Variants in PTPRD observed in about 807,000 individuals in gnomAD.
The protein encoded by PTPRD is receptor-type tyrosine-protein phosphatase delta.
A neutral mutation model predicts 214.5 loss-of-function variants in PTPRD; 34 were observed. That is an observed-to-expected ratio of 0.16 (90% CI 0.12 to 0.21). The LOEUF (loss-of-function observed/expected upper bound fraction) is 0.21, where lower values mean the gene tolerates loss of function less well. Among genes scored for constraint, PTPRD ranks in the 10% least tolerant of loss-of-function variants. PTPRD has a pLI of 1.00. For synonymous variants in PTPRD, 1,128 were observed against 845.7 expected (o/e 1.33, Z -5.79); for missense variants, 2,545 against 2,398.7 (o/e 1.06, Z -1.27).
chr9:9,013,000 T>C (rs1242020913), intron 11 of PTPRD, among the ~76,000 whole-genome samples: 1 of 151,896 alleles, frequency 6.6e-6, no homozygotes. Flanking sequence ...ATGAAAAAAA[T>C]AAACACAACA....
At chr9:10,066,953 T>C (rs2097897707) in intron 3 of PTPRD, among the ~76,000 whole-genome samples, 1 of 149,048 alleles carries the variant, frequency 6.7e-6, no homozygotes, top group Non-Finnish European at 1.5e-5. Flanking sequence ...TAAGAGTTGG[T>C]TGTCCTTCTG....
At chr9:9,036,756 C>T (rs1270914249) in intron 10 of PTPRD, among the ~76,000 whole-genome samples, 2 of 152,104 alleles carry the variant, frequency 1.3e-5, no homozygotes, top group African/African-American at 4.8e-5. Context: ...TCCTCCTCTC[C>T]TGTTTGTCCC....
In PTPRD at chr9:10,121,811, AT is replaced by A. The variant is rs765899634; in HGVS notation, c.-544-88022del. On this transcript the variant is annotated intron_variant, in intron 3 of 45. Coordinates refer to ENST00000381196, the MANE Select transcript of PTPRD (RefSeq NM_002839.4). ...TCCTGTTTCCAGAGTGAATTCCAAG[AT>A]TTTTTTCCCTCCAACCATGAGGATT... Among the ~76,000 whole-genome samples, 138 of 152,076 alleles carry A rather than the reference AT, an allele frequency of 9.1e-4. 1 individual carries two copies. Among genetic ancestry groups the A allele is most frequent in the African/African-American group, 3.2e-3 (132 of 41,492 alleles).
chr9:9,324,379 A>T (rs945317128), intron 9 of PTPRD, among the ~76,000 whole-genome samples: 4 of 152,132 alleles, frequency 2.6e-5, no homozygotes, highest in Non-Finnish European at 4.4e-5. Context: ...AATGATTGCC[A>T]TTCTAACTGG....
At chr9:8,374,675 C>T (rs1284500993) in intron 39 of PTPRD, among the ~76,000 whole-genome samples, 3 of 151,944 alleles carry the variant, frequency 2.0e-5, no homozygotes, top group African/African-American at 7.2e-5. Flanking sequence ...TTGTTATGAA[C>T]ATCAAACAAA....
intron 5 of PTPRD, among the ~76,000 whole-genome samples, chr9:9,775,201 A>T (rs2098787668): frequency 6.6e-6 from 1 of 152,174 alleles, no homozygotes. Flanking sequence ...GTGTCTTTTT[A>T]ATTTTAACCA....
At chr9:10,336,086 T>C (rs898583804) in intron 3 of PTPRD, among the ~76,000 whole-genome samples, 3 of 151,742 alleles carry the variant, frequency 2.0e-5, no homozygotes, top group African/African-American at 7.3e-5. Context: ...TTGTGCTCCT[T>C]GGTATTTACC....
rs904033107 is a variant in PTPRD, at chr9:8,850,931, CAT to C, written c.-103-116987_-103-116986del. On this transcript the variant is annotated intron_variant, in intron 11 of 45. Coordinates refer to ENST00000381196, the MANE Select transcript of PTPRD (RefSeq NM_002839.4). ...AAATTTTTATTTTAAACATTGAAAACATATGTCTTGTTGACCTATAAGCAGAC... is the reference window on the plus strand; with the variant it reads ...AAATTTTTATTTTAAACATTGAAAACATGTCTTGTTGACCTATAAGCAGAC... 4.6e-5 allele frequency among the ~76,000 whole-genome samples: 7 copies of C among 152,302 alleles called. No homozygotes were observed. In the South Asian group the frequency reaches 6.2e-4, roughly 14 times the overall value.
chr9:8,840,837 T>G (rs896964985), intron 11 of PTPRD, among the ~76,000 whole-genome samples: 4 of 152,136 alleles, frequency 2.6e-5, no homozygotes, highest in Non-Finnish European at 4.4e-5. Flanking sequence ...TGGCACCAAT[T>G]CTATCAATTA....
At chr9:8,929,095 C>T (rs10283658) in intron 11 of PTPRD, among the ~76,000 whole-genome samples, 95,890 of 151,934 alleles carry the variant, frequency 0.63, 30,690 homozygotes, top group East Asian at 0.92. Context: ...TGGGCTGAGA[C>T]GATGGGGTTT....
intron 9 of PTPRD, among the ~76,000 whole-genome samples, chr9:9,185,828 G>A (rs1024593299): frequency 1.3e-5 from 2 of 151,604 alleles, no homozygotes; most frequent in Admixed American, 1.3e-4. Flanking sequence ...ACTAGTTAAA[G>A]ACACCTCTTA....
intron 4 of PTPRD, among the ~76,000 whole-genome samples, chr9:9,947,355 T>TATATATTATATATATAATATATATA (rs1566616258): frequency 3.2e-4 from 11 of 34,432 alleles, no homozygotes; most frequent in African/African-American, 1.8e-3. Context: ...TAATATATAT[T>TATATATTATATATATAATATATATA]ATATATATTA....
rs2099877803 is a variant in PTPRD at position 9,152,637 on chromosome 9, T to C, written c.-143+30667A>G. On this transcript the variant is annotated intron_variant, in intron 10 of 45. Transcript: ENST00000381196. ...AATGGTGCCAAATGAATTGCTTGAC[T>C]GTAATTTTCACCTTTCGAATATTGC... 2.0e-5 allele frequency among the ~76,000 whole-genome samples: 3 copies of C among 152,210 alleles called. No homozygotes were observed. The South Asian group carries it at 6.2e-4, about 32-fold the overall frequency.
chr9:8,422,548 A>G (rs1008651686), intron 35 of PTPRD, among the ~76,000 whole-genome samples: 7 of 152,192 alleles, frequency 4.6e-5, no homozygotes, highest in Non-Finnish European at 1.0e-4. Flanking sequence ...TCTTCTCTAC[A>G]GTAAAATAAC....
At chr9:9,956,148 A>G (rs1042344564) in intron 4 of PTPRD, among the ~76,000 whole-genome samples, 17 of 152,186 alleles carry the variant, frequency 1.1e-4, no homozygotes, top group African/African-American at 3.9e-4. Context: ...CATCATAAAT[A>G]TAATACATTT....
intron 11 of PTPRD, among the ~76,000 whole-genome samples, chr9:8,747,771 G>C (rs556672952): frequency 6.6e-6 from 1 of 152,060 alleles, no homozygotes; most frequent in African/African-American, 2.4e-5. Context: ...CTTTCACTTA[G>C]GCATTGATAG....
In PTPRD at chr9:9,237,075, G is replaced by A. The variant is rs148631831; in HGVS notation, c.-202-53712C>T. 2.0e-3 allele frequency among the ~76,000 whole-genome samples: 309 copies of A among 152,118 alleles called. 3 individuals are homozygous for A. Among genetic ancestry groups the A allele is most frequent in the Middle Eastern group, 3.4e-3 (1 of 294 alleles). The stretch of plus-strand genomic sequence containing the variant: ...CTAAAATGGAACTGTATACTCAGAA[G>A]GAAAAAGAAACAATTTATTAAAACA... On this transcript the variant is annotated intron_variant, in intron 9 of 45. Coordinates refer to ENST00000381196, the MANE Select transcript of PTPRD (RefSeq NM_002839.4).
At chr9:8,501,608 A>T (rs2097409298) in intron 23 of PTPRD, among the ~76,000 whole-genome samples, 1 of 152,234 alleles carries the variant, frequency 6.6e-6, no homozygotes, top group Admixed American at 6.5e-5. Flanking sequence ...TTAAAAATAA[A>T]TAAACAACAA....
In PTPRD at chr9:8,703,706, T is replaced by C. The variant is rs112725706; in HGVS notation, c.64+30074A>G. On this transcript the variant is annotated intron_variant, in intron 12 of 45. Transcript: ENST00000381196. Reference sequence around the variant, plus strand: ...ACGGCATTGTTATTCTCTTTTTTGTTGATTTTGTCTAATCCCGTGGCTCTG... The same window carrying C: ...ACGGCATTGTTATTCTCTTTTTTGTCGATTTTGTCTAATCCCGTGGCTCTG... 5.2e-3 allele frequency among the ~76,000 whole-genome samples: 798 copies of C among 152,338 alleles called. 10 individuals carry two copies. The highest frequency in any genetic ancestry group is 0.018 in the African/African-American group (759 of 41,572).
Sources: gnomAD v4.1 joint callset for allele counts (sites outside exome capture counted in the v4.1 genomes callset) on GRCh38, gnomAD v4.1.1 for gene constraint, MANE v1.5 for transcripts, NCBI Gene and HGNC (gene_info 2026-07-23, HGNC 2026-07-21) for gene names.